The following TENM2 variants were observed in gnomAD, a reference collection of about 807,000 sequenced individuals.
TENM2 encodes the protein teneurin transmembrane protein 2.
A neutral mutation model predicts 245.2 loss-of-function variants in TENM2; 52 were observed. The ratio of observed to expected loss-of-function variants is 0.21; its 90% confidence interval spans 0.17 to 0.27. TENM2 has a LOEUF of 0.27. Ranked by LOEUF, TENM2 falls within the 10% of genes least tolerant of loss-of-function variation. The pLI is 1.00. For synonymous variants in TENM2, 1,363 were observed against 1,438.9 expected, an observed-to-expected ratio of 0.95 and a Z score of 1.19; for missense variants, 3,046 against 3,666.8, an observed-to-expected ratio of 0.83 and a Z score of 4.37.
the TENM2 span, among the ~76,000 whole-genome samples, chr5:167,005,591 C>A: frequency 6.8e-6 from 1 of 148,138 alleles, no homozygotes; most frequent in African/African-American, 2.5e-5. Context: ...AATCTTCACT[C>A]ATTTTTATCT....
At chr5:168,072,544 A>T (rs1278685212) in intron 7 of TENM2, among the ~76,000 whole-genome samples, 2 of 152,170 alleles carry the variant, frequency 1.3e-5, no homozygotes, top group Non-Finnish European at 2.9e-5. Flanking sequence ...TGGAGACCTG[A>T]CAAGTTAAGA....
At chr5:168,228,037 C>T (rs1280671273) in exon 25 of TENM2, 1 of 1,613,788 alleles carries the variant, frequency 6.2e-7, no homozygotes, top group Admixed American at 1.7e-5. Flanking sequence ...GCAACATCTC[C>T]CTGCCTATGG....
chr5:167,518,016 G>A (rs1171455707), intron 2 of TENM2, among the ~76,000 whole-genome samples: 17 of 151,928 alleles, frequency 1.1e-4, no homozygotes, highest in African/African-American at 2.9e-4. Flanking sequence ...GTGAAACCCC[G>A]TCTCTACTAA....
chr5:167,586,313 G>A (rs555670858), intron 2 of TENM2, among the ~76,000 whole-genome samples: 17 of 152,306 alleles, frequency 1.1e-4, no homozygotes, highest in African/African-American at 4.1e-4. Context: ...TGAGGGACTT[G>A]AGCATCTGTG....
intron 2 of TENM2, among the ~76,000 whole-genome samples, chr5:167,385,962 A>T (rs1004324260): frequency 3.3e-5 from 5 of 149,974 alleles, no homozygotes; most frequent in Admixed American, 1.3e-4. Context: ...CGTTTTTGCA[A>T]TTGTGAATTG....
chr5:168,206,361 A>G (rs1404711677), intron 19 of TENM2, among the ~76,000 whole-genome samples: 1 of 152,262 alleles, frequency 6.6e-6, no homozygotes, highest in South Asian at 2.1e-4. Context: ...TTTATTGAGC[A>G]TGGAGGCGAG....
chr5:167,975,881 A>G (rs887481809), intron 4 of TENM2, among the ~76,000 whole-genome samples: 1 of 150,978 alleles, frequency 6.6e-6, no homozygotes, highest in African/African-American at 2.4e-5. Context: ...TGAAATTGCT[A>G]TACACAGTTG....
chr5:167,258,531 T>C, the TENM2 span, among the ~76,000 whole-genome samples: 34 of 152,070 alleles, frequency 2.2e-4, no homozygotes, highest in African/African-American at 7.7e-4. Flanking sequence ...GGAAAAGTGA[T>C]GTGGAGGAAG....
the TENM2 span, among the ~76,000 whole-genome samples, chr5:167,069,463 T>C: frequency 6.6e-6 from 1 of 152,202 alleles, no homozygotes; most frequent in Non-Finnish European, 1.5e-5. Flanking sequence ...AAATAGGGTA[T>C]TTGAATATCT....
chr5:168,159,893 A>C (rs999354200), intron 12 of TENM2, among the ~76,000 whole-genome samples: 1 of 152,206 alleles, frequency 6.6e-6, no homozygotes, highest in Non-Finnish European at 1.5e-5. Flanking sequence ...CAATCTAGAA[A>C]TATATGTATT....
intron 2 of TENM2, among the ~76,000 whole-genome samples, chr5:167,584,776 G>C (rs541822486): frequency 1.2e-3 from 189 of 151,288 alleles, no homozygotes; most frequent in African/African-American, 4.4e-3. Context: ...CTCACTGCAA[G>C]CTCTGCCTCC....
the TENM2 span, among the ~76,000 whole-genome samples, chr5:167,115,118 T>C: frequency 6.6e-6 from 1 of 152,128 alleles, no homozygotes; most frequent in Non-Finnish European, 1.5e-5. Flanking sequence ...AAGAAACTTT[T>C]GTTACAGAAG....
the TENM2 span, among the ~76,000 whole-genome samples, chr5:167,019,432 A>C: frequency 6.6e-6 from 1 of 152,072 alleles, no homozygotes; most frequent in African/African-American, 2.4e-5. Context: ...TGGAGGTAAA[A>C]CATAGCACAA....
At chr5:167,743,853 C>A (rs1761377313) in intron 2 of TENM2, among the ~76,000 whole-genome samples, 1 of 152,282 alleles carries the variant, frequency 6.6e-6, no homozygotes, top group African/African-American at 2.4e-5. Flanking sequence ...CTGACCTTAC[C>A]CCTCACTGAG....
At chr5:166,999,947 A>G in the TENM2 span, among the ~76,000 whole-genome samples, 103 of 152,214 alleles carry the variant, frequency 6.8e-4, no homozygotes, top group African/African-American at 2.4e-3. Flanking sequence ...AAATGAGGAA[A>G]AGGAGGTGGG....
chr5:167,100,061 G>T, the TENM2 span, among the ~76,000 whole-genome samples: 1 of 152,170 alleles, frequency 6.6e-6, no homozygotes, highest in Non-Finnish European at 1.5e-5. Flanking sequence ...ACCTGTAGAC[G>T]AAAGGCCATT....
In TENM2 at chr5:167,438,684, A is replaced by T. The variant is rs551096610; in HGVS notation, c.502+63211A>T. 2.6e-5 allele frequency among the ~76,000 whole-genome samples: 4 copies of T among 151,980 alleles called. No individual in the cohort carries two copies. In the East Asian group the frequency reaches 5.9e-4, roughly 22 times the overall value. On this transcript the variant is annotated intron_variant, in intron 2 of 28. Coordinates refer to ENST00000518659, the Ensembl canonical transcript of TENM2. ...AGTGCTGGGATTATAGGCATGAGCCACCGCATCTGGCCTGAACAAACATTT... is the reference window on the plus strand; with the variant it reads ...AGTGCTGGGATTATAGGCATGAGCCTCCGCATCTGGCCTGAACAAACATTT...
At chr5:167,286,096 G>A (rs980284270) in intron 1 of TENM2, among the ~76,000 whole-genome samples, 2 of 152,042 alleles carry the variant, frequency 1.3e-5, no homozygotes, top group African/African-American at 2.4e-5. Context: ...CTATGCCCAC[G>A]GTTTATAAAT....
chr5:168,033,542 C>T (rs1787316970), intron 5 of TENM2, among the ~76,000 whole-genome samples: 1 of 152,012 alleles, frequency 6.6e-6, no homozygotes, highest in Non-Finnish European at 1.5e-5. Context: ...TTATTATTAG[C>T]CTGGCACACT....
Sources: gnomAD v4.1 joint callset for allele counts (sites outside exome capture counted in the v4.1 genomes callset) on GRCh38, gnomAD v4.1.1 for gene constraint, MANE v1.5 for transcripts, NCBI Gene and HGNC (gene_info 2026-07-23, HGNC 2026-07-21) for gene names.